FBN1: variants seen among roughly 807,000 people sequenced by gnomAD.
FBN1 encodes the protein fibrillin-1.
Under a neutral mutation model 365.1 loss-of-function variants are expected in FBN1, and 29 were observed. The observed-to-expected ratio is 0.08, with a 90% confidence interval of 0.06 to 0.11. The LOEUF is 0.11. Ranked by LOEUF, FBN1 falls within the 10% of genes least tolerant of loss-of-function variation. The pLI is 1.00. For missense variants in FBN1, 2,476 were observed against 3,703.2 expected (o/e 0.67, Z 8.60); for synonymous variants, 1,210 against 1,270.5 (o/e 0.95, Z 1.01).
rs1410619524 is a variant in FBN1, at chr15:48,496,003, T to A, written c.2419+97A>T. 9 of 1,494,828 alleles carry A rather than the reference T, an allele frequency of 6.0e-6. No homozygotes were observed. The Admixed American group carries it at 1.3e-4, about 22-fold the overall frequency. 92.6% of individuals were successfully genotyped at this position (1,494,828 alleles called of 1,614,324 possible). ...AATTTCAACTAAACTGGCATAACTG[T>A]CTAAAATACAGGAGACTCTAATTCA... On this transcript the variant is annotated intron_variant, in intron 20 of 65. Coordinates refer to ENST00000316623, the MANE Select transcript of FBN1 (RefSeq NM_000138.5).
At chr15:48,525,020 A>G (rs1234464349) in intron 9 of FBN1, among the ~76,000 whole-genome samples, 3 of 152,192 alleles carry the variant, frequency 2.0e-5, no homozygotes, top group Non-Finnish European at 4.4e-5. Context: ...TTGGAACTTG[A>G]ATTTTAATCT....
At chr15:48,440,271 C>T (rs1359738644) in intron 50 of FBN1, among the ~76,000 whole-genome samples, 1 of 152,196 alleles carries the variant, frequency 6.6e-6, no homozygotes, top group Admixed American at 6.5e-5. Context: ...GGCTCTGCCT[C>T]CTGGAGCTGA....
At chr15:48,578,167 G>C (rs567585925) in intron 6 of FBN1, among the ~76,000 whole-genome samples, 1 of 152,248 alleles carries the variant, frequency 6.6e-6, no homozygotes, top group East Asian at 1.9e-4. Flanking sequence ...ACCTTCTAAG[G>C]TTGGCAAGTA....
At chr15:48,607,389 ATTG>A (rs1597629639) in intron 4 of FBN1, among the ~76,000 whole-genome samples, 1 of 145,516 alleles carries the variant, frequency 6.9e-6, no homozygotes, top group Non-Finnish European at 1.5e-5. Context: ...TATATATATT[ATTG>A]TCTAAATGTT....
chr15:48,519,961 G>C (rs1437058618), intron 10 of FBN1, among the ~76,000 whole-genome samples: 1 of 152,128 alleles, frequency 6.6e-6, no homozygotes, highest in East Asian at 1.9e-4. Context: ...TATTTGTTTA[G>C]TTATGTATTT....
At chr15:48,419,661 A>T (rs969786205) in intron 63 of FBN1, among the ~76,000 whole-genome samples, 1 of 152,192 alleles carries the variant, frequency 6.6e-6, no homozygotes, top group Admixed American at 6.5e-5. Context: ...AAACTAGATG[A>T]CAGAGATGAT....
intron 62 of FBN1, 68 bp from the exon 63 acceptor site, chr15:48,420,874 TAAGA>T (rs1472741752): frequency 8.8e-6 from 14 of 1,585,122 alleles, no homozygotes; most frequent in Non-Finnish European, 1.1e-5. Flanking sequence ...TGGATTCTAA[TAAGA>T]AATCTGGCCC....
chr15:48,529,329 A>C (rs1208027705), intron 8 of FBN1: 1 of 152,442 alleles, frequency 6.6e-6, no homozygotes, highest in Non-Finnish European at 1.5e-5. Context: ...CAAATGGCAG[A>C]TCTCTTCCTT....
intron 45 of FBN1, among the ~76,000 whole-genome samples, chr15:48,451,171 C>T (rs1320497061): frequency 6.6e-6 from 1 of 152,236 alleles, no homozygotes; most frequent in Non-Finnish European, 1.5e-5. Flanking sequence ...ATAAATAGCT[C>T]TGTCCCACTT....
chr15:48,435,910 A>G (rs958579299), intron 53 of FBN1, among the ~76,000 whole-genome samples: 8 of 151,844 alleles, frequency 5.3e-5, no homozygotes, highest in African/African-American at 1.9e-4. Flanking sequence ...AATAATTTTG[A>G]GAAATAACAT....
intron 57 of FBN1, 121 bp downstream of exon 57, chr15:48,428,225 G>T: frequency 7.6e-7 from 1 of 1,313,720 alleles, no homozygotes; most frequent in Non-Finnish European, 1.1e-6. Context: ...TCCAAAATAT[G>T]AACATTTTTT....
chr15:48,495,881 T>A (rs772915610), intron 20 of FBN1, among the ~76,000 whole-genome samples: 31 of 152,204 alleles, frequency 2.0e-4, no homozygotes, highest in Non-Finnish European at 3.7e-4. Flanking sequence ...ACATAACATT[T>A]TCTTTATCTA....
chr15:48,579,419 C>T (rs1187947679), intron 6 of FBN1, among the ~76,000 whole-genome samples: 4 of 152,102 alleles, frequency 2.6e-5, no homozygotes, highest in Non-Finnish European at 4.4e-5. Context: ...TCTTATATTA[C>T]AATTTCATCT....
At chr15:48,630,954 T>C (rs976058436) in intron 2 of FBN1, among the ~76,000 whole-genome samples, 2 of 152,184 alleles carry the variant, frequency 1.3e-5, no homozygotes, top group Non-Finnish European at 2.9e-5. Context: ...ACTCTTATTT[T>C]TATAGGCTGT....
intron 2 of FBN1, among the ~76,000 whole-genome samples, chr15:48,633,877 A>T (rs138837450): frequency 2.1e-4 from 32 of 152,308 alleles, no homozygotes; most frequent in African/African-American, 7.2e-4. Context: ...CACGTGACTC[A>T]GCTTCCACAC....
At position 48,519,237 on chromosome 15, in the gene FBN1, T is replaced by G. The variant is rs187879570; in HGVS notation, c.1147+1422A>C. ...AAACTTCATCTATGTATTTGTTTAT[T>G]TATGTATTAGTATTTTAATTGACAA... On this transcript the variant is annotated intron_variant, in intron 10 of 65. Transcript: ENST00000316623. 3.3e-5 allele frequency among the ~76,000 whole-genome samples: 5 copies of G among 152,324 alleles called. No individual in the cohort carries two copies. The East Asian group carries it at 9.6e-4, about 29-fold the overall frequency.
intron 44 of FBN1, among the ~76,000 whole-genome samples, 171 bp from the exon 45 acceptor site, chr15:48,452,855 T>C (rs1205029341): frequency 1.3e-5 from 2 of 152,228 alleles, no homozygotes; most frequent in Non-Finnish European, 2.9e-5. Context: ...GCAACCAAGA[T>C]GTCCTTCGAT....
chr15:48,629,499 C>A lies in FBN1; in HGVS notation c.164+15107G>T, dbSNP rs74014653. 6.7e-3 allele frequency among the ~76,000 whole-genome samples: 1,024 copies of A among 152,136 alleles called. 11 individuals are homozygous for A. Among genetic ancestry groups the A allele is most frequent in the African/African-American group, 0.023 (974 of 41,492 alleles). On this transcript the variant is annotated intron_variant, in intron 2 of 65. Coordinates refer to ENST00000316623, the MANE Select transcript of FBN1 (RefSeq NM_000138.5). ...TCAATTAGGAAATTTTAAATATTCA[C>A]TGAATATTTGATAATATTAGAAAAT...
At chr15:48,437,739 C>T in intron 51 of FBN1, 29 bp downstream of exon 51, 3 of 1,612,534 alleles carry the variant, frequency 1.9e-6, no homozygotes, top group Non-Finnish European at 2.5e-6. Flanking sequence ...CCTGCATGGC[C>T]CAGAGAGAAA....
Sources: allele counts gnomAD v4.1 joint callset (sites outside exome capture counted in the v4.1 genomes callset), GRCh38; gene constraint gnomAD v4.1.1; transcripts MANE v1.5; gene names NCBI Gene and HGNC (gene_info 2026-07-23, HGNC 2026-07-21).